Variants in ADCY7 observed in about 807,000 individuals in gnomAD.
ADCY7 encodes the protein adenylate cyclase type 7.
Under a neutral mutation model 120.6 loss-of-function variants are expected in ADCY7, and 72 were observed. That is an observed-to-expected ratio of 0.60 (90% CI 0.49 to 0.73). ADCY7 has a LOEUF of 0.73. Ranked by LOEUF, ADCY7 falls within the 30% of genes least tolerant of loss-of-function variation. ADCY7 has a pLI of 0.00. For synonymous variants in ADCY7, 661 were observed against 628.0 expected, an observed-to-expected ratio of 1.05 and a Z score of -0.78; for missense variants, 1,227 against 1,486.0, an observed-to-expected ratio of 0.83 and a Z score of 2.87.
At chr16:50,253,930 T>C (rs1244944889) in intron 1 of ADCY7, among the ~76,000 whole-genome samples, 1 of 152,078 alleles carries the variant, frequency 6.6e-6, no homozygotes, top group South Asian at 2.1e-4. Context: ...TCCTTGTCTG[T>C]CTCTAACTGC....
At chr16:50,274,127 A>T (rs1040601129) in intron 1 of ADCY7, 9 of 151,988 alleles carry the variant, frequency 5.9e-5, no homozygotes, top group African/African-American at 2.2e-4. Context: ...TTGTTTGGGG[A>T]ACCGAAATCA....
At chr16:50,313,242 C>A (rs752802934) in intron 22 of ADCY7, 20 of 534,076 alleles carry the variant, frequency 3.7e-5, no homozygotes, top group Non-Finnish European at 6.0e-5. Context: ...CATGGCGAAA[C>A]CCTGTCTCTA....
At chr16:50,277,482 G>A (rs1209927742) in intron 1 of ADCY7, among the ~76,000 whole-genome samples, 1 of 152,142 alleles carries the variant, frequency 6.6e-6, no homozygotes, top group East Asian at 1.9e-4. Flanking sequence ...GAAATGCTTT[G>A]ATCTTTGCCC....
chr16:50,298,994 T>C lies in ADCY7; in HGVS notation c.1039T>C (p.Cys347Arg). ...PVSLPTHARN[C>R]VKMGLDMCQA... ...GTCGCTGCCTACCCACGCCCGGAACTGCGTGAAGATGGGGCTGGACATGTG... is the reference window on the plus strand; with the variant it reads ...GTCGCTGCCTACCCACGCCCGGAACCGCGTGAAGATGGGGCTGGACATGTG... The change falls in exon 8 of 26, where the codon TGC becomes CGC. Residue 347 changes from cysteine (C) to arginine (R), a missense_variant. Physicochemically the swap from Cys to Arg is radical, Grantham distance 180. This residue lies in a region of ADCY7 where 332 missense variants were observed against 455.8 expected (regional missense o/e 0.73). Coordinates refer to ENST00000673801, the MANE Select transcript of ADCY7 (RefSeq NM_001114.5). 2 of 1,612,978 alleles carry C rather than the reference T, an allele frequency of 1.2e-6. No homozygotes were observed. The highest frequency in any genetic ancestry group is 1.7e-6 in the Non-Finnish European group (2 of 1,179,990).
upstream of ADCY7, among the ~76,000 whole-genome samples, chr16:50,263,444 G>A (rs1455257819): frequency 6.6e-6 from 1 of 152,144 alleles, no homozygotes; most frequent in Non-Finnish European, 1.5e-5. Flanking sequence ...GCCTGGGAGG[G>A]CAGGAGGTAT....
chr16:50,278,142 C>T (rs990669382), intron 1 of ADCY7, among the ~76,000 whole-genome samples: 17 of 151,512 alleles, frequency 1.1e-4, no homozygotes, highest in South Asian at 6.3e-4. Flanking sequence ...TGAGTTCAAG[C>T]GATTCTCGTG....
intron 7 of ADCY7, among the ~76,000 whole-genome samples, chr16:50,295,414 C>T (rs12919306): frequency 0.49 from 68,630 of 141,296 alleles, 16,920 homozygotes; most frequent in Middle Eastern, 0.58. Context: ...AGGCTGGTCT[C>T]GAACTCCTGA....
intron 8 of ADCY7, 54 bp from the exon 9 acceptor site, chr16:50,300,656 AGCTTC>A: frequency 6.5e-7 from 1 of 1,537,412 alleles, no homozygotes; most frequent in East Asian, 2.5e-5. Context: ...CACACCTGGG[AGCTTC>A]AGCCTGTCCC....
rs895114920 is a variant in ADCY7, at chr16:50,288,196, G to T, written c.17G>T (p.Arg6Leu). 1 of 1,550,070 alleles carries T rather than the reference G, an allele frequency of 6.5e-7. No individual in the cohort carries two copies. Among genetic ancestry groups the T allele is most frequent in the Non-Finnish European group, 8.7e-7 (1 of 1,146,294 alleles). Residue 6 changes from arginine to leucine, a missense_variant, in exon 2 of 26, where the codon CGC (arginine) becomes CTC (leucine). Around this residue, in one of 5 missense-constraint regions of ADCY7, gnomAD observed 382 missense variants for 411.4 expected, o/e 0.93. Coordinates refer to ENST00000673801, the MANE Select transcript of ADCY7 (RefSeq NM_001114.5). MPAKG[R>L]YFLNEGEEGP... ...GGGTGGAGGATGCCAGCCAAGGGGCGCTACTTCCTCAACGAGGGCGAGGAG... is the reference window on the plus strand; with the variant it reads ...GGGTGGAGGATGCCAGCCAAGGGGCTCTACTTCCTCAACGAGGGCGAGGAG...
rs1163802285 is a variant in ADCY7, at chr16:50,305,616, T to C, written c.1679+30T>C. The C allele has an allele frequency of 2.6e-6, 4 of 1,568,608 alleles. No individual in the cohort carries two copies. In the Admixed American group the frequency reaches 5.2e-5, roughly 20 times the overall value. On this transcript the variant is annotated intron_variant, in intron 13 of 25. Transcript: ENST00000673801. ...GGTCTGAGACCTCTGTCCACCCCCC[T>C]CTCCTCTCCCCCTCGGATAGGGGTC...
At chr16:50,256,781 A>G (rs1032234832) in intron 1 of ADCY7, among the ~76,000 whole-genome samples, 8 of 152,178 alleles carry the variant, frequency 5.3e-5, no homozygotes, top group African/African-American at 1.9e-4. Context: ...TAGCACAGCC[A>G]TTATGGAAAA....
At chr16:50,287,495 C>T (rs926872714) in intron 1 of ADCY7, among the ~76,000 whole-genome samples, 5 of 151,834 alleles carry the variant, frequency 3.3e-5, no homozygotes, top group Non-Finnish European at 7.4e-5. Flanking sequence ...CAAAACCACC[C>T]TGGGCAGCAG....
chr16:50,312,969 G>T lies in ADCY7; in HGVS notation c.2684G>T (p.Cys895Phe). ...VPDFKVFYTECDVNKEGLECL... is the reference protein window; with the variant it reads ...VPDFKVFYTEFDVNKEGLECL... ...GACTTCAAAGTGTTCTACACAGAGT[G>T]CGATGTCAACAAAGAAGGGCTGGAG... is the stretch of plus-strand genomic sequence containing the variant. Residue 895 changes from cysteine (C) to phenylalanine (F), a missense_variant, in exon 22 of 26, where the codon TGC (cysteine) becomes TTC (phenylalanine). Physicochemically the swap from Cys to Phe is radical, Grantham distance 205. Coordinates refer to ENST00000673801, the MANE Select transcript of ADCY7 (RefSeq NM_001114.5). The T allele has an allele frequency of 6.2e-7, 1 of 1,614,222 alleles. No individual in the cohort carries two copies. The highest frequency in any genetic ancestry group is 8.5e-7 in the Non-Finnish European group (1 of 1,180,038).
chr16:50,281,986 T>C lies in ADCY7; in HGVS notation c.-268-5926T>C, dbSNP rs530110899. Among the ~76,000 whole-genome samples, 51 of 152,312 alleles carry C rather than the reference T, an allele frequency of 3.3e-4. 1 individual carries two copies. The highest frequency in any genetic ancestry group is 1.2e-3 in the African/African-American group (51 of 41,580). On this transcript the variant is annotated intron_variant, in intron 1 of 25. Coordinates refer to ENST00000673801, the MANE Select transcript of ADCY7 (RefSeq NM_001114.5). The stretch of plus-strand genomic sequence containing the variant: ...CGCGAGACGGAGCATGCAGGTTTTT[T>C]GTCTGGAGCTGCGTGGCGTCCCAGG...
At chr16:50,283,817 G>A (rs1342308158) in intron 1 of ADCY7, among the ~76,000 whole-genome samples, 2 of 152,174 alleles carry the variant, frequency 1.3e-5, no homozygotes, top group Non-Finnish European at 2.9e-5. Context: ...GAGTGACAGG[G>A]AGGCAGGGCT....
intron 1 of ADCY7, among the ~76,000 whole-genome samples, chr16:50,248,056 C>T (rs1015973653): frequency 2.6e-5 from 4 of 152,108 alleles, no homozygotes; most frequent in African/African-American, 7.2e-5. Flanking sequence ...GATGAGAAAG[C>T]GGAGGTCCTC....
At chr16:50,277,376 T>A (rs763864105) in intron 1 of ADCY7, among the ~76,000 whole-genome samples, 4 of 152,218 alleles carry the variant, frequency 2.6e-5, no homozygotes, top group Admixed American at 1.3e-4. Context: ...TTGTTAGGTA[T>A]TATTAAACTA....
intron 1 of ADCY7, among the ~76,000 whole-genome samples, chr16:50,273,796 AC>A (rs1035152825): frequency 2.0e-5 from 3 of 151,828 alleles, no homozygotes; most frequent in Non-Finnish European, 4.4e-5. Flanking sequence ...TGCTGGCTGT[AC>A]CCCCCAGTCT....
In ADCY7 at chr16:50,305,527, G is replaced by A. The variant is rs115036947; in HGVS notation, c.1620G>A (p.Ser540=). Residue 540 remains serine (S), a synonymous_variant, in exon 13 of 26, where the codon TCG becomes TCA. Transcript: ENST00000673801. ...GAAGCATGTCCCCCAAGGGGCGGTC[G>A]GAGGATGACTCGTACGATGACGAGA... ...PDRSMSPKGR[S]EDDSYDDEML... 676 of 1,611,670 alleles carry A rather than the reference G, an allele frequency of 4.2e-4. 4 individuals are homozygous for A. The African/African-American group carries it at 7.9e-3, about 19-fold the overall frequency.
Sources: gnomAD v4.1 joint callset for allele counts (sites outside exome capture counted in the v4.1 genomes callset) on GRCh38, gnomAD v4.1.1 for gene constraint, gnomAD v4.1.1 regional missense constraint, MANE v1.5 for transcripts, NCBI Gene and HGNC (gene_info 2026-07-23, HGNC 2026-07-21) for gene names.